The following RASAL2 variants were observed in gnomAD, a reference collection of about 807,000 sequenced individuals.
RASAL2 encodes RAS protein activator like 2.
Under a neutral mutation model 128.9 loss-of-function variants are expected in RASAL2, and 58 were observed. The ratio of observed to expected loss-of-function variants is 0.45; its 90% CI spans 0.36 to 0.56. The LOEUF (loss-of-function observed/expected upper bound fraction) is 0.56. Ranked by LOEUF, RASAL2 falls within the 20% of genes least tolerant of loss-of-function variation. The probability of loss-of-function intolerance (pLI) is 0.00; values close to 1 mark genes in which losing one functional copy is unlikely to be tolerated. For missense variants in RASAL2, 1,360 were observed against 1,601.6 expected, an observed-to-expected ratio of 0.85 and a Z score of 2.57; for synonymous variants, 561 against 580.8, an observed-to-expected ratio of 0.97 and a Z score of 0.49.
At chr1:178,271,913 A>G (rs949713918) in intron 1 of RASAL2, among the ~76,000 whole-genome samples, 2 of 152,102 alleles carry the variant, frequency 1.3e-5, no homozygotes, top group South Asian at 2.1e-4. Context: ...TTGTTGAAGT[A>G]GGACCACCGT....
chr1:178,398,854 G>A (rs746290748), intron 4 of RASAL2, among the ~76,000 whole-genome samples: 38 of 152,030 alleles, frequency 2.5e-4, no homozygotes, highest in Non-Finnish European at 5.0e-4. Flanking sequence ...CCCTTTTCCA[G>A]CCCCACTGCC....
At chr1:178,206,622 T>C (rs962505083) in intron 1 of RASAL2, among the ~76,000 whole-genome samples, 1 of 152,196 alleles carries the variant, frequency 6.6e-6, no homozygotes, top group Non-Finnish European at 1.5e-5. Flanking sequence ...TATCAATTTT[T>C]CCATCCTAGT....
At chr1:178,162,181 G>A (rs1661328271) in intron 1 of RASAL2, among the ~76,000 whole-genome samples, 1 of 147,788 alleles carries the variant, frequency 6.8e-6, no homozygotes, top group African/African-American at 2.5e-5. Flanking sequence ...TAGCCAGGAT[G>A]GTCTTGATCT....
intron 1 of RASAL2, among the ~76,000 whole-genome samples, chr1:178,258,557 C>T (rs1290062159): frequency 1.3e-5 from 2 of 152,142 alleles, no homozygotes; most frequent in African/African-American, 2.4e-5. Flanking sequence ...ATCAATACAA[C>T]AGTGAGATAC....
rs1663311998 is a variant in RASAL2 at position 178,213,130 on chromosome 1, G to A, written c.203-70434G>A. ...GGCTCACCACAACCTTGACCTCCCT[G>A]GCTCAAGCAATACTGCCACCTCAGC... On this transcript the variant is annotated intron_variant, in intron 1 of 17. Coordinates refer to ENST00000367649, the MANE Select transcript of RASAL2 (RefSeq NM_170692.4). 2.6e-5 allele frequency among the ~76,000 whole-genome samples: 4 copies of A among 152,062 alleles called. No individual in the cohort carries two copies. The South Asian group carries it at 8.3e-4, about 32-fold the overall frequency.
chr1:178,343,031 T>G (rs139224006), intron 3 of RASAL2, among the ~76,000 whole-genome samples: 261 of 152,318 alleles, frequency 1.7e-3, no homozygotes, highest in African/African-American at 5.9e-3. Flanking sequence ...GGCCACACTA[T>G]TCTAGTGAGC....
intron 3 of RASAL2, among the ~76,000 whole-genome samples, chr1:178,331,829 C>T (rs183786494): frequency 2.6e-5 from 4 of 151,890 alleles, no homozygotes; most frequent in East Asian, 1.9e-4. Context: ...CCTCATGATC[C>T]GCCTGCCTCG....
At chr1:178,337,242 A>G (rs1669632071) in intron 3 of RASAL2, among the ~76,000 whole-genome samples, 1 of 152,244 alleles carries the variant, frequency 6.6e-6, no homozygotes. Context: ...AACCATATGA[A>G]TTAACAAGTC....
chr1:178,108,120 T>G (rs1659166396), intron 1 of RASAL2, among the ~76,000 whole-genome samples: 4 of 152,184 alleles, frequency 2.6e-5, no homozygotes, highest in Admixed American at 2.6e-4. Context: ...CAACATTTAT[T>G]ATTCATTTTT....
intron 17 of RASAL2, among the ~76,000 whole-genome samples, chr1:178,472,533 A>C (rs1037735121): frequency 6.6e-6 from 1 of 151,364 alleles, no homozygotes; most frequent in Admixed American, 6.6e-5. Flanking sequence ...TGCTGTTGCA[A>C]CCTCACCTTG....
At chr1:178,376,750 CTT>C (rs1271764805) in intron 3 of RASAL2, among the ~76,000 whole-genome samples, 1 of 152,096 alleles carries the variant, frequency 6.6e-6, no homozygotes, top group Admixed American at 6.6e-5. Flanking sequence ...AGGATCTTCT[CTT>C]AATATTTTGG....
At chr1:178,098,917 C>G (rs1340183719) in intron 1 of RASAL2, among the ~76,000 whole-genome samples, 3 of 152,008 alleles carry the variant, frequency 2.0e-5, no homozygotes, top group Admixed American at 2.0e-4. Context: ...CCTTATAATT[C>G]CAGAAATGTG....
At chr1:178,137,057 A>G (rs2102321100) in intron 1 of RASAL2, among the ~76,000 whole-genome samples, 1 of 152,280 alleles carries the variant, frequency 6.6e-6, no homozygotes, top group African/African-American at 2.4e-5. Context: ...AATGTAGTTG[A>G]AACCATTGGA....
rs537776951 is a variant in RASAL2 at position 178,167,124 on chromosome 1, T to C, written c.202+72430T>C. On this transcript the variant is annotated intron_variant, in intron 1 of 17. Transcript: ENST00000367649. The stretch of plus-strand genomic sequence containing the variant: ...ACAAGATCTGGCAAGATGTTTTCCA[T>C]TTTCAGAGTTTTCTTTAGGCTTTAA... Among the ~76,000 whole-genome samples the C allele has an allele frequency of 6.6e-4, 100 of 152,150 alleles. 1 individual carries two copies. The highest frequency in any genetic ancestry group is 1.8e-4 in the Non-Finnish European group (12 of 67,996).
chr1:178,277,409 T>G (rs931180910), intron 1 of RASAL2, among the ~76,000 whole-genome samples: 21 of 152,194 alleles, frequency 1.4e-4, no homozygotes, highest in Non-Finnish European at 1.8e-4. Context: ...TCCACCCACC[T>G]TGGCCTCCCA....
rs577019940 is a variant in RASAL2 at position 178,326,362 on chromosome 1, T to G, written c.457+26244T>G. Among the ~76,000 whole-genome samples, 7 of 152,266 alleles carry G rather than the reference T, an allele frequency of 4.6e-5. No individual in the cohort carries two copies. The East Asian group carries it at 9.6e-4, about 21-fold the overall frequency. Reference sequence around the variant, plus strand: ...CATAATTATCCCTCATAAGTGAGAATAATAAGTGGATTTTCAAAAGAAATG... The same window carrying G: ...CATAATTATCCCTCATAAGTGAGAAGAATAAGTGGATTTTCAAAAGAAATG... On this transcript the variant is annotated intron_variant, in intron 3 of 17. Coordinates refer to ENST00000367649, the MANE Select transcript of RASAL2 (RefSeq NM_170692.4).
chr1:178,403,964 C>A (rs1446389015), intron 4 of RASAL2, among the ~76,000 whole-genome samples: 2 of 152,136 alleles, frequency 1.3e-5, no homozygotes, highest in South Asian at 4.1e-4. Flanking sequence ...CGGTGGCTCA[C>A]GCCTCTAACC....
chr1:178,401,604 A>C lies in RASAL2; in HGVS notation c.564+11398A>C, dbSNP rs1673633066. Among the ~76,000 whole-genome samples the C allele has an allele frequency of 3.3e-5, 5 of 152,270 alleles. No individual in the cohort carries two copies. In the South Asian group the frequency reaches 1.0e-3, roughly 32 times the overall value. On this transcript the variant is annotated intron_variant, in intron 4 of 17. Transcript: ENST00000367649. Reference sequence around the variant, plus strand: ...CGTAGTGCGGATGATTGTTCTGTGAATAGCCACTGAACTCCAGCTTGGGCA... The same window carrying C: ...CGTAGTGCGGATGATTGTTCTGTGACTAGCCACTGAACTCCAGCTTGGGCA...
At chr1:178,242,453 C>T (rs866295420) in intron 1 of RASAL2, among the ~76,000 whole-genome samples, 30 of 121,798 alleles carry the variant, frequency 2.5e-4, no homozygotes, top group Admixed American at 4.2e-4. Context: ...CTCTCTCTCT[C>T]TCTCTCTCTC....
Sources: allele counts gnomAD v4.1 joint callset (sites outside exome capture counted in the v4.1 genomes callset), GRCh38; gene constraint gnomAD v4.1.1; transcripts MANE v1.5; gene names NCBI Gene and HGNC (gene_info 2026-07-23, HGNC 2026-07-21).